Variants in HMBOX1 observed in about 807,000 individuals in gnomAD.
HMBOX1 encodes the protein homeobox containing 1.
In HMBOX1, 14 loss-of-function variants were observed where a neutral mutation model predicts 54.5. The ratio of observed to expected loss-of-function variants is 0.26; its 90% CI spans 0.17 to 0.40. The LOEUF (loss-of-function observed/expected upper bound fraction) is 0.40, where lower values mean the gene tolerates loss of function less well. Ranked by LOEUF, HMBOX1 falls within the 10% of genes least tolerant of loss-of-function variation. The pLI is 1.00. For synonymous variants in HMBOX1, 160 were observed against 181.0 expected (o/e 0.88, Z 0.93); for missense variants, 332 against 514.4 (o/e 0.65, Z 3.43).
intron 1 of HMBOX1, among the ~76,000 whole-genome samples, chr8:28,949,164 A>T (rs975928595): frequency 3.9e-5 from 6 of 152,364 alleles, no homozygotes; most frequent in Admixed American, 1.3e-4. Context: ...CATTAAAATT[A>T]TTTATGATGA....
chr8:29,051,048 G>A lies in HMBOX1; in HGVS notation c.1156G>A (p.Asp386Asn). The change falls in exon 10 of 10, where the codon GAC (aspartate) becomes AAC (asparagine). Residue 386 changes from aspartate (D) to asparagine (N), a missense_variant. Physicochemically the swap from Asp to Asn is conservative, Grantham distance 23. Around this residue, in one of 4 missense-constraint regions of HMBOX1, gnomAD observed 69 missense variants for 104.6 expected, o/e 0.66. Coordinates refer to ENST00000287701, the MANE Select transcript of HMBOX1 (RefSeq NM_001135726.3). ...DDSTSHSDHQ[D>N]PISLAVEMAA... Reference sequence around the variant, plus strand: ...CAGTACGAGCCATAGTGACCACCAAGACCCCATCTCATTAGCTGTGGAAAT... The same window carrying A: ...CAGTACGAGCCATAGTGACCACCAAAACCCCATCTCATTAGCTGTGGAAAT... The A allele has an allele frequency of 6.2e-7, 1 of 1,613,406 alleles. No individual in the cohort carries two copies. The highest frequency in any genetic ancestry group is 8.5e-7 in the Non-Finnish European group (1 of 1,179,908).
chr8:29,036,931 ATC>A (rs1287331682), intron 6 of HMBOX1, among the ~76,000 whole-genome samples: 2 of 152,230 alleles, frequency 1.3e-5, no homozygotes, highest in Non-Finnish European at 2.9e-5. Flanking sequence ...TTACATCGAA[ATC>A]CAGGTGTAAT....
At chr8:28,968,894 C>G (rs886789852) in intron 2 of HMBOX1, among the ~76,000 whole-genome samples, 1 of 152,174 alleles carries the variant, frequency 6.6e-6, no homozygotes, top group Admixed American at 6.5e-5. Flanking sequence ...GAATTCAAGG[C>G]CGAGCATGGT....
chr8:28,910,200 A>AC (rs1815148384), intron 1 of HMBOX1, among the ~76,000 whole-genome samples: 1 of 152,318 alleles, frequency 6.6e-6, no homozygotes, highest in Non-Finnish European at 1.5e-5. Context: ...GGTCTCTTTG[A>AC]CTAAGTGTAA....
chr8:29,046,720 C>T (rs1243081655), intron 7 of HMBOX1, among the ~76,000 whole-genome samples: 1 of 152,236 alleles, frequency 6.6e-6, no homozygotes, highest in African/African-American at 2.4e-5. Context: ...GTGGCTCACG[C>T]TTGTAATCCC....
chr8:28,959,461 G>C (rs1282777739), intron 1 of HMBOX1, among the ~76,000 whole-genome samples: 1 of 152,114 alleles, frequency 6.6e-6, no homozygotes, highest in Non-Finnish European at 1.5e-5. Flanking sequence ...AATTTTCCAC[G>C]TAATATTCTC....
At chr8:28,913,700 A>G (rs1416977431) in intron 1 of HMBOX1, among the ~76,000 whole-genome samples, 2 of 152,066 alleles carry the variant, frequency 1.3e-5, no homozygotes, top group Admixed American at 6.6e-5. Flanking sequence ...CTCATAGTAA[A>G]TGCTTAGTAA....
chr8:28,906,307 A>G (rs1396693060), intron 1 of HMBOX1, among the ~76,000 whole-genome samples: 3 of 152,164 alleles, frequency 2.0e-5, no homozygotes, highest in African/African-American at 7.2e-5. Context: ...AAACTTTAAG[A>G]TTATAGAAGG....
chr8:28,994,100 G>A (rs1831406455), intron 4 of HMBOX1, among the ~76,000 whole-genome samples: 1 of 151,236 alleles, frequency 6.6e-6, no homozygotes, highest in Non-Finnish European at 1.5e-5. Context: ...TCAGGAGGTG[G>A]AGGCTGCAGC....
intron 3 of HMBOX1, among the ~76,000 whole-genome samples, chr8:28,976,633 C>A (rs952968591): frequency 6.6e-6 from 1 of 151,652 alleles, no homozygotes; most frequent in African/African-American, 2.4e-5. Context: ...TCTTTTAAGT[C>A]TTTTGTTTTG....
intron 1 of HMBOX1, among the ~76,000 whole-genome samples, chr8:28,935,947 G>A (rs752351872): frequency 1.2e-4 from 18 of 151,850 alleles, no homozygotes; most frequent in Admixed American, 5.9e-4. Context: ...TTGTAAAATG[G>A]TAATACTGAT....
chr8:28,925,572 A>T (rs1446903427), intron 1 of HMBOX1, among the ~76,000 whole-genome samples: 1 of 152,190 alleles, frequency 6.6e-6, no homozygotes, highest in Admixed American at 6.5e-5. Flanking sequence ...TTAGTAAAGC[A>T]CTGCAGGTAA....
At chr8:29,042,277 A>G (rs572933632) in intron 6 of HMBOX1, among the ~76,000 whole-genome samples, 3 of 152,358 alleles carry the variant, frequency 2.0e-5, no homozygotes, top group African/African-American at 7.2e-5. Flanking sequence ...CAAAGACAAA[A>G]GCGGAGAAGT....
At chr8:28,967,575 A>T (rs1015680660) in intron 2 of HMBOX1, among the ~76,000 whole-genome samples, 8 of 152,210 alleles carry the variant, frequency 5.3e-5, no homozygotes, top group African/African-American at 1.4e-4. Context: ...GGAAAATACT[A>T]TGATTGGGGA....
chr8:28,928,886 AAATAG>A (rs1212362219), intron 1 of HMBOX1, among the ~76,000 whole-genome samples: 1 of 152,186 alleles, frequency 6.6e-6, no homozygotes, highest in East Asian at 1.9e-4. Flanking sequence ...GAACTCATAG[AAATAG>A]AATAGAAGGG....
intron 1 of HMBOX1, among the ~76,000 whole-genome samples, chr8:28,962,884 C>T (rs527593929): frequency 7.9e-5 from 12 of 152,196 alleles, no homozygotes; most frequent in East Asian, 1.9e-4. Context: ...CCCCACCTCC[C>T]GCCATTTAAT....
chr8:29,028,959 C>T (rs1802491521), intron 6 of HMBOX1, among the ~76,000 whole-genome samples: 2 of 152,160 alleles, frequency 1.3e-5, no homozygotes, highest in African/African-American at 2.4e-5. Context: ...AGGAAGCTCT[C>T]TCCACTTCTG....
chr8:29,050,950 G>A, intron 9 of HMBOX1, 68 bp from the exon 10 acceptor site: 1 of 1,521,274 alleles, frequency 6.6e-7, no homozygotes, highest in Non-Finnish European at 8.9e-7. Flanking sequence ...CCTTGCCCCA[G>A]CATGTCTCTC....
intron 1 of HMBOX1, among the ~76,000 whole-genome samples, chr8:28,921,677 A>G (rs377554246): frequency 6.2e-4 from 95 of 152,340 alleles, no homozygotes; most frequent in African/African-American, 2.2e-3. Flanking sequence ...ACACATCCTC[A>G]TTTGAAGTAC....
Sources: gnomAD v4.1 joint callset for allele counts (sites outside exome capture counted in the v4.1 genomes callset) on GRCh38, gnomAD v4.1.1 for gene constraint, gnomAD v4.1.1 regional missense constraint, MANE v1.5 for transcripts, NCBI Gene and HGNC (gene_info 2026-07-23, HGNC 2026-07-21) for gene names.